XRN1: variants seen among roughly 807,000 people sequenced by gnomAD.
XRN1 encodes the protein strand-exchange protein 1 homolog.
In XRN1, 67 loss-of-function variants were observed where a neutral mutation model predicts 222.3. The ratio of observed to expected loss-of-function variants is 0.30; its 90% CI spans 0.25 to 0.37. The LOEUF (loss-of-function observed/expected upper bound fraction) is 0.37. Among genes scored for constraint, XRN1 ranks in the 10% least tolerant of loss-of-function variants. The pLI is 1.00. For synonymous variants in XRN1, 643 were observed against 652.4 expected, an observed-to-expected ratio of 0.99 and a Z score of 0.22; for missense variants, 1,707 against 2,000.2, an observed-to-expected ratio of 0.85 and a Z score of 2.80.
At chr3:142,341,110 C>A (rs1577251182) in intron 33 of XRN1, among the ~76,000 whole-genome samples, 1 of 151,922 alleles carries the variant, frequency 6.6e-6, no homozygotes. Flanking sequence ...ATAGACAATA[C>A]AATAAGATAT....
At chr3:142,431,765 C>T (rs747560801) in intron 2 of XRN1, among the ~76,000 whole-genome samples, 41 of 129,078 alleles carry the variant, frequency 3.2e-4, no homozygotes, top group Non-Finnish European at 5.2e-4. Context: ...TGTAATGAGC[C>T]GAGATCGCGC....
intron 27 of XRN1, among the ~76,000 whole-genome samples, chr3:142,366,631 G>C (rs571643806): frequency 1.3e-5 from 2 of 152,228 alleles, no homozygotes; most frequent in African/African-American, 2.4e-5. Context: ...CAGCAGTAGG[G>C]GGAGACATTA....
intron 20 of XRN1, among the ~76,000 whole-genome samples, chr3:142,391,138 T>A (rs1260873080): frequency 6.6e-6 from 1 of 152,066 alleles, no homozygotes; most frequent in Non-Finnish European, 1.5e-5. Flanking sequence ...TACCAAAATG[T>A]GACACACAGG....
intron 33 of XRN1, among the ~76,000 whole-genome samples, chr3:142,346,930 A>C (rs564455378): frequency 6.6e-6 from 1 of 152,218 alleles, no homozygotes; most frequent in Non-Finnish European, 1.5e-5. Flanking sequence ...ATATTTTCTG[A>C]TTCCATTTAT....
At chr3:142,415,292 T>C (rs903372589) in intron 13 of XRN1, among the ~76,000 whole-genome samples, 2 of 152,124 alleles carry the variant, frequency 1.3e-5, no homozygotes, top group Non-Finnish European at 2.9e-5. Context: ...ACCAAAAACA[T>C]TGAAATGTTT....
At position 142,380,101 on chromosome 3, in the gene XRN1, G is replaced by A. The variant is rs1337789344; in HGVS notation, c.2696C>T (p.Ala899Val). ...FSIPCEPNLDALIQNQHKYSI... is the reference protein window; with the variant it reads ...FSIPCEPNLDVLIQNQHKYSI... ...ACTCACATGCTGGTTCTGTATTAAA[G>A]CATCAAGATTGGGTTCACATGGAAT... The change falls in exon 23 of 41, where the codon GCT becomes GTT. Residue 899 changes from alanine (A) to valine (V), a missense_variant. This residue lies in a region of XRN1 where 1,234 missense variants were observed against 1,518.2 expected (regional missense o/e 0.81). Transcript: ENST00000392981. 3.1e-6 allele frequency: 5 copies of A among 1,613,556 alleles called. No homozygotes were observed. Among genetic ancestry groups the A allele is most frequent in the South Asian group, 1.1e-5 (1 of 91,054 alleles).
intron 37 of XRN1, among the ~76,000 whole-genome samples, chr3:142,321,758 T>C (rs1370808215): frequency 6.6e-6 from 1 of 152,220 alleles, no homozygotes; most frequent in Non-Finnish European, 1.5e-5. Context: ...GTTTTCTTAA[T>C]TTCCTTTTCA....
rs1223510098 is a variant in XRN1 at position 142,332,436 on chromosome 3, A to G, written c.4161T>C (p.Val1387=). ...EIKQIANEIP[V]SSNRRDEYGL... ...CATATTCATCTCTTCTGTTAGAGGA[A>G]ACAGGGATTTCATTAGCAATCTGTT... Residue 1387 remains valine, a synonymous_variant, in exon 36 of 41, where the codon GTT becomes GTC. Transcript: ENST00000392981. 1.2e-6 allele frequency: 2 copies of G among 1,613,366 alleles called. No homozygotes were observed. The highest frequency in any genetic ancestry group is 1.7e-6 in the Non-Finnish European group (2 of 1,179,526).
chr3:142,402,966 T>C (rs1410133450), intron 18 of XRN1, among the ~76,000 whole-genome samples: 5 of 152,228 alleles, frequency 3.3e-5, no homozygotes, highest in African/African-American at 1.2e-4. Flanking sequence ...CACCTGATGC[T>C]ACACTCGCAA....
chr3:142,372,565 T>C (rs993984906), intron 25 of XRN1, among the ~76,000 whole-genome samples: 5 of 152,172 alleles, frequency 3.3e-5, no homozygotes, highest in South Asian at 2.1e-4. Flanking sequence ...TACCTCCTTA[T>C]AGATTGGGCA....
chr3:142,309,697 AT>A lies in XRN1; in HGVS notation c.*1813del, dbSNP rs1325402455. The A allele has an allele frequency of 6.6e-6, 1 of 152,242 alleles. No individual in the cohort carries two copies. The highest frequency in any genetic ancestry group is 2.1e-4 in the South Asian group (1 of 4,838). 9.4% of individuals were successfully genotyped at this position (152,242 alleles called of 1,614,324 possible). A position where few individuals can be genotyped will look rare whatever the true frequency, so the allele number is the denominator to read the frequency against. On this transcript the variant is annotated 3_prime_UTR_variant, in exon 41 of 41. Transcript: ENST00000392981. ...CTAAAACAGATGTGAGCTGCATGCT[AT>A]TTATATAACTGTCACACAGGAGTAA...
intron 3 of XRN1, 33 bp downstream of exon 3, chr3:142,426,711 A>G (rs1257812915): frequency 1.5e-5 from 24 of 1,569,546 alleles, no homozygotes; most frequent in African/African-American, 2.7e-5. Flanking sequence ...TTATATTTCA[A>G]TTCTGTCATA....
chr3:142,363,737 C>T (rs2066727725), intron 29 of XRN1, among the ~76,000 whole-genome samples: 1 of 152,104 alleles, frequency 6.6e-6, no homozygotes, highest in African/African-American at 2.4e-5. Flanking sequence ...AATTCTCCAA[C>T]TTTGTCCTTC....
chr3:142,380,198 T>A lies in XRN1; in HGVS notation c.2617-18A>T, dbSNP rs778869535. 1.9e-6 allele frequency: 3 copies of A among 1,582,782 alleles called. No individual in the cohort carries two copies. The highest frequency in any genetic ancestry group is 1.1e-5 in the South Asian group (1 of 90,154). On this transcript the variant is annotated intron_variant, in intron 22 of 40. Transcript: ENST00000392981. The stretch of plus-strand genomic sequence containing the variant: ...TCCTGAACCTTAGAAGAAAAAAAAA[T>A]CACAGTATAGTCTCTTTCAGTACAT...
intron 20 of XRN1, among the ~76,000 whole-genome samples, chr3:142,389,810 G>C (rs539322533): frequency 6.6e-6 from 1 of 152,324 alleles, no homozygotes; most frequent in East Asian, 1.9e-4. Context: ...ATGTGCCACT[G>C]TGCCCGGCCA....
At chr3:142,369,243 G>A (rs1048670057) in intron 27 of XRN1, among the ~76,000 whole-genome samples, 4 of 152,118 alleles carry the variant, frequency 2.6e-5, no homozygotes, top group Non-Finnish European at 4.4e-5. Context: ...ATAAAACAAC[G>A]CAACTCTACT....
chr3:142,352,881 TA>T (rs529899741), intron 32 of XRN1, among the ~76,000 whole-genome samples: 33 of 152,312 alleles, frequency 2.2e-4, no homozygotes, highest in African/African-American at 7.7e-4. Context: ...TGACCTCAAG[TA>T]ATCCTTCGGC....
chr3:142,404,493 A>G (rs1476757424), intron 16 of XRN1, among the ~76,000 whole-genome samples: 2 of 152,126 alleles, frequency 1.3e-5, no homozygotes, highest in Non-Finnish European at 2.9e-5. Flanking sequence ...GGAGCTCTTT[A>G]TTTCTTATTT....
intron 30 of XRN1, among the ~76,000 whole-genome samples, chr3:142,357,336 G>C (rs1029940391): frequency 2.0e-5 from 3 of 152,132 alleles, no homozygotes; most frequent in Non-Finnish European, 2.9e-5. Context: ...TTACTAAGTA[G>C]AGAAAACCCA....
Sources: gnomAD v4.1 joint callset for allele counts (sites outside exome capture counted in the v4.1 genomes callset) on GRCh38, gnomAD v4.1.1 for gene constraint, gnomAD v4.1.1 regional missense constraint, MANE v1.5 for transcripts, NCBI Gene and HGNC (gene_info 2026-07-23, HGNC 2026-07-21) for gene names.